The following NRXN1 variants were observed in gnomAD, a reference collection of about 807,000 sequenced individuals.
The protein encoded by NRXN1 is neurexin-1.
A neutral mutation model predicts 150.9 loss-of-function variants in NRXN1; 39 were observed. The observed-to-expected ratio is 0.26, with a 90% CI of 0.20 to 0.34. NRXN1 has a LOEUF of 0.34. Among genes scored for constraint, NRXN1 ranks in the 10% least tolerant of loss-of-function variants. The probability of loss-of-function intolerance (pLI) is 1.00; values close to 1 mark genes in which losing one functional copy is unlikely to be tolerated. For synonymous variants in NRXN1, 924 were observed against 757.0 expected, an observed-to-expected ratio of 1.22 and a Z score of -3.62; for missense variants, 1,815 against 1,949.9, an observed-to-expected ratio of 0.93 and a Z score of 1.30.
At chr2:50,548,990 T>C (rs569923337) in intron 9 of NRXN1, among the ~76,000 whole-genome samples, 27 of 152,302 alleles carry the variant, frequency 1.8e-4, no homozygotes, top group Admixed American at 4.6e-4. Context: ...CCTCATTATC[T>C]GTATGTCAGA....
chr2:50,403,207 A>G (rs2082514012), intron 17 of NRXN1, among the ~76,000 whole-genome samples: 1 of 152,114 alleles, frequency 6.6e-6, no homozygotes, highest in Non-Finnish European at 1.5e-5. Context: ...CTATATACTT[A>G]GAGAGGTCTC....
intron 21 of NRXN1, among the ~76,000 whole-genome samples, chr2:49,978,146 G>C (rs1477874346): frequency 6.6e-6 from 1 of 152,116 alleles, no homozygotes; most frequent in Non-Finnish European, 1.5e-5. Flanking sequence ...TGGTGACAGA[G>C]CGAGACTCCA....
chr2:50,125,399 T>C (rs1574046582), intron 18 of NRXN1, among the ~76,000 whole-genome samples: 1 of 152,122 alleles, frequency 6.6e-6, no homozygotes, highest in African/African-American at 2.4e-5. Flanking sequence ...TTCCCTCTTA[T>C]GTGCCTTTAA....
intron 19 of NRXN1, among the ~76,000 whole-genome samples, chr2:50,064,778 A>G (rs1315767537): frequency 6.6e-6 from 1 of 152,220 alleles, no homozygotes; most frequent in African/African-American, 2.4e-5. Flanking sequence ...AAAGAAAGCA[A>G]CATTCATTTA....
At chr2:51,008,795 A>G (rs1667417670) in intron 2 of NRXN1, among the ~76,000 whole-genome samples, 1 of 151,794 alleles carries the variant, frequency 6.6e-6, no homozygotes, top group South Asian at 2.1e-4. Context: ...ATGTTTTTAT[A>G]AAACTTGTAG....
At chr2:50,762,254 A>G (rs1347478106) in intron 5 of NRXN1, among the ~76,000 whole-genome samples, 2 of 151,782 alleles carry the variant, frequency 1.3e-5, no homozygotes, top group Non-Finnish European at 2.9e-5. Flanking sequence ...TGATCCTCCC[A>G]TGTCAGTCTC....
intron 9 of NRXN1, among the ~76,000 whole-genome samples, chr2:50,548,773 C>A (rs572890276): frequency 1.3e-5 from 2 of 152,040 alleles, no homozygotes; most frequent in East Asian, 1.9e-4. Flanking sequence ...ATGATTTTAA[C>A]CCTCTCTCTA....
intron 2 of NRXN1, among the ~76,000 whole-genome samples, chr2:50,957,376 G>A (rs1046032351): frequency 6.6e-6 from 1 of 152,130 alleles, no homozygotes; most frequent in African/African-American, 2.4e-5. Flanking sequence ...TTCTGAACCA[G>A]GAGCCATTAC....
chr2:50,997,316 C>A (rs1464150219), intron 2 of NRXN1, among the ~76,000 whole-genome samples: 1 of 151,892 alleles, frequency 6.6e-6, no homozygotes. Flanking sequence ...CACCTGTAGT[C>A]CCAGCTGCCA....
intron 5 of NRXN1, among the ~76,000 whole-genome samples, chr2:50,747,153 T>C (rs1700119790): frequency 6.6e-6 from 1 of 152,102 alleles, no homozygotes; most frequent in Non-Finnish European, 1.5e-5. Context: ...CACACTCATA[T>C]ACAACGGGTC....
At chr2:50,633,476 G>A (rs2104421008) in intron 5 of NRXN1, among the ~76,000 whole-genome samples, 1 of 151,832 alleles carries the variant, frequency 6.6e-6, no homozygotes, top group East Asian at 1.9e-4. Context: ...CCATTCGTGT[G>A]CTTCATAGAA....
At chr2:50,786,880 C>A (rs1392828075) in intron 5 of NRXN1, among the ~76,000 whole-genome samples, 1 of 152,092 alleles carries the variant, frequency 6.6e-6, no homozygotes, top group African/African-American at 2.4e-5. Context: ...GAACACCAAG[C>A]TAATAACATA....
At chr2:50,048,401 C>A (rs1692174399) in intron 21 of NRXN1, among the ~76,000 whole-genome samples, 1 of 151,766 alleles carries the variant, frequency 6.6e-6, no homozygotes, top group South Asian at 2.1e-4. Context: ...ATAAGTAATG[C>A]TATTATTTTT....
At chr2:50,446,389 T>C (rs953862458) in intron 17 of NRXN1, among the ~76,000 whole-genome samples, 3 of 141,212 alleles carry the variant, frequency 2.1e-5, no homozygotes, top group Non-Finnish European at 3.1e-5. Context: ...CTTCCTTTCC[T>C]ATCTCCCCCT....
intron 22 of NRXN1, among the ~76,000 whole-genome samples, chr2:49,928,820 A>T (rs1022993636): frequency 2.0e-5 from 3 of 152,096 alleles, no homozygotes; most frequent in Admixed American, 6.6e-5. Context: ...GAAGTGAGGG[A>T]TGCTGACTGT....
At chr2:50,695,325 C>T (rs890176986) in intron 5 of NRXN1, among the ~76,000 whole-genome samples, 1 of 152,074 alleles carries the variant, frequency 6.6e-6, no homozygotes, top group Admixed American at 6.6e-5. Context: ...AAGATCTTGC[C>T]CAGCATCAAG....
At chr2:50,512,274 C>G (rs1047843484) in intron 12 of NRXN1, among the ~76,000 whole-genome samples, 1 of 152,044 alleles carries the variant, frequency 6.6e-6, no homozygotes, top group Non-Finnish European at 1.5e-5. Flanking sequence ...GCAGACCAAG[C>G]CTTAAAGAGG....
At chr2:50,433,426 T>C (rs2085145862) in intron 17 of NRXN1, among the ~76,000 whole-genome samples, 1 of 152,208 alleles carries the variant, frequency 6.6e-6, no homozygotes, top group Admixed American at 6.5e-5. Flanking sequence ...ATTATTATTT[T>C]TCATTATTAC....
intron 21 of NRXN1, among the ~76,000 whole-genome samples, chr2:50,001,330 T>G (rs1683888187): frequency 6.6e-6 from 1 of 152,122 alleles, no homozygotes; most frequent in African/African-American, 2.4e-5. Flanking sequence ...TTGAAGACAA[T>G]CATACTGAAG....
Sources: gnomAD v4.1 joint callset for allele counts (sites outside exome capture counted in the v4.1 genomes callset) on GRCh38, gnomAD v4.1.1 for gene constraint, MANE v1.5 for transcripts, NCBI Gene and HGNC (gene_info 2026-07-23, HGNC 2026-07-21) for gene names.